Variants in RGS6 observed in about 807,000 individuals in gnomAD.
The protein encoded by RGS6 is regulator of G protein signaling 6.
RGS6 carries 30 observed loss-of-function variants against 78.5 expected under a neutral mutation model. The ratio of observed to expected loss-of-function variants is 0.38; its 90% confidence interval spans 0.29 to 0.52. The LOEUF (loss-of-function observed/expected upper bound fraction) is 0.52. Among genes scored for constraint, RGS6 ranks in the 20% least tolerant of loss-of-function variants. The probability of loss-of-function intolerance (pLI) is 0.85; values close to 1 mark genes in which losing one functional copy is unlikely to be tolerated. For missense variants in RGS6, 495 were observed against 609.7 expected, an observed-to-expected ratio of 0.81 and a Z score of 1.98; for synonymous variants, 206 against 206.0, an observed-to-expected ratio of 1.00 and a Z score of 0.00.
At chr14:71,911,464 T>C in the RGS6 span, among the ~76,000 whole-genome samples, 1 of 152,202 alleles carries the variant, frequency 6.6e-6, no homozygotes, top group Non-Finnish European at 1.5e-5. Context: ...CGGAGAAATA[T>C]GTCAGAAATA....
intron 2 of RGS6, among the ~76,000 whole-genome samples, chr14:72,350,308 A>G (rs1271275937): frequency 6.6e-6 from 1 of 152,118 alleles, no homozygotes; most frequent in Non-Finnish European, 1.5e-5. Flanking sequence ...CAGGGGTTAG[A>G]TGCCATTCTG....
chr14:72,420,898 G>C (rs2094139134), intron 3 of RGS6: 2 of 152,180 alleles, frequency 1.3e-5, no homozygotes, highest in South Asian at 2.1e-4. Flanking sequence ...GAAGGCAGTT[G>C]CCTGCAGAAG....
intron 3 of RGS6, among the ~76,000 whole-genome samples, chr14:72,447,199 G>A (rs2095387581): frequency 6.6e-6 from 1 of 152,166 alleles, no homozygotes; most frequent in Non-Finnish European, 1.5e-5. Context: ...GATGCAACCA[G>A]AGCACCCCAA....
intron 14 of RGS6, among the ~76,000 whole-genome samples, chr14:72,516,613 G>A (rs563196061): frequency 2.0e-5 from 3 of 152,328 alleles, no homozygotes; most frequent in East Asian, 1.9e-4. Context: ...GCTGGAATCC[G>A]AGGGATCACA....
At chr14:72,519,528 TCCAGAATTA>T (rs2097001235) in intron 15 of RGS6, among the ~76,000 whole-genome samples, 1 of 152,160 alleles carries the variant, frequency 6.6e-6, no homozygotes, top group Admixed American at 6.5e-5. Context: ...TCCCTTATCA[TCCAGAATTA>T]CCTTGTCATT....
chr14:72,421,331 G>A (rs939925998), intron 3 of RGS6: 4 of 152,130 alleles, frequency 2.6e-5, no homozygotes, highest in Admixed American at 2.6e-4. Flanking sequence ...TAGAGTGAGG[G>A]TGGGGTAGGA....
At chr14:72,410,902 G>A (rs1473117879) in intron 3 of RGS6, among the ~76,000 whole-genome samples, 2 of 152,086 alleles carry the variant, frequency 1.3e-5, no homozygotes, top group African/African-American at 4.8e-5. Context: ...TATTTCTGAG[G>A]GCTCTGTTCT....
At chr14:72,605,579 C>T in the RGS6 span, among the ~76,000 whole-genome samples, 1 of 152,208 alleles carries the variant, frequency 6.6e-6, no homozygotes, top group Non-Finnish European at 1.5e-5. Flanking sequence ...GCTTACGACG[C>T]AGATGTGACA....
At chr14:72,339,251 C>G (rs906958208) in intron 2 of RGS6, among the ~76,000 whole-genome samples, 5 of 152,116 alleles carry the variant, frequency 3.3e-5, no homozygotes, top group Non-Finnish European at 7.4e-5. Flanking sequence ...TTTGAGGAAG[C>G]CTGTTTGGCT....
chr14:72,213,466 C>G (rs2044686996), intron 2 of RGS6, among the ~76,000 whole-genome samples: 1 of 152,132 alleles, frequency 6.6e-6, no homozygotes, highest in East Asian at 1.9e-4. Context: ...AACGTTTACC[C>G]CCCTGTGATC....
intron 1 of RGS6, among the ~76,000 whole-genome samples, chr14:71,950,095 G>A (rs1186539889): frequency 6.6e-6 from 1 of 152,050 alleles, no homozygotes; most frequent in South Asian, 2.1e-4. Flanking sequence ...ATATTCAGTA[G>A]TGTGCACCCT....
chr14:72,363,892 A>C (rs900366426), intron 3 of RGS6, among the ~76,000 whole-genome samples: 4 of 151,722 alleles, frequency 2.6e-5, no homozygotes, highest in African/African-American at 9.7e-5. Context: ...GTCTTCCAAC[A>C]CAGGAGACAA....
chr14:72,073,387 C>T (rs1217882700), intron 2 of RGS6, among the ~76,000 whole-genome samples: 1 of 152,288 alleles, frequency 6.6e-6, no homozygotes, highest in Admixed American at 6.5e-5. Context: ...TACATAAAGA[C>T]CAAAACATTT....
At chr14:72,594,010 G>GGAC in the RGS6 span, among the ~76,000 whole-genome samples, 2 of 152,046 alleles carry the variant, frequency 1.3e-5, no homozygotes, top group African/African-American at 2.4e-5. Flanking sequence ...GGTGGCAGTG[G>GGAC]GACCAGAACC....
At chr14:72,441,143 G>A (rs1310342040) in intron 3 of RGS6, among the ~76,000 whole-genome samples, 1 of 152,140 alleles carries the variant, frequency 6.6e-6, no homozygotes, top group Non-Finnish European at 1.5e-5. Context: ...ATATTGAGGG[G>A]TAGGGATTAG....
chr14:72,590,477 A>G, the RGS6 span, among the ~76,000 whole-genome samples: 2 of 152,348 alleles, frequency 1.3e-5, no homozygotes, highest in South Asian at 4.1e-4. Flanking sequence ...ACAACAACCT[A>G]GAAGAATCTC....
chr14:72,023,071 C>G (rs1321634864), intron 2 of RGS6, among the ~76,000 whole-genome samples: 1 of 152,198 alleles, frequency 6.6e-6, no homozygotes, highest in Non-Finnish European at 1.5e-5. Flanking sequence ...CATGTCATTC[C>G]TAACATCAGA....
intron 2 of RGS6, among the ~76,000 whole-genome samples, chr14:71,992,921 A>G (rs780449089): frequency 2.6e-5 from 4 of 152,082 alleles, no homozygotes; most frequent in Non-Finnish European, 4.4e-5. Context: ...TGTCTGATGC[A>G]TGTTCTTTCT....
chr14:72,075,557 T>C (rs2094545272), intron 2 of RGS6, among the ~76,000 whole-genome samples: 1 of 152,196 alleles, frequency 6.6e-6, no homozygotes, highest in African/African-American at 2.4e-5. Flanking sequence ...ATATATGACA[T>C]GTTCACTATA....
Sources: gnomAD v4.1 joint callset for allele counts (sites outside exome capture counted in the v4.1 genomes callset) on GRCh38, gnomAD v4.1.1 for gene constraint, MANE v1.5 for transcripts, NCBI Gene and HGNC (gene_info 2026-07-23, HGNC 2026-07-21) for gene names.